PCDHA6: variants seen among roughly 807,000 people sequenced by gnomAD.
PCDHA6 encodes the protein protocadherin alpha 6.
A neutral mutation model predicts 60.3 loss-of-function variants in PCDHA6; 55 were observed. That is an observed-to-expected ratio of 0.91 (90% CI 0.73 to 1.14). PCDHA6 has a LOEUF of 1.14. PCDHA6 is among the 50% of genes most tolerant of loss of function. The probability of loss-of-function intolerance (pLI) is 0.00; values close to 1 mark genes in which losing one functional copy is unlikely to be tolerated. For synonymous variants in PCDHA6, 652 were observed against 557.9 expected, an observed-to-expected ratio of 1.17 and a Z score of -2.38; for missense variants, 1,327 against 1,256.5, an observed-to-expected ratio of 1.06 and a Z score of -0.85.
rs140380568 is a variant in PCDHA6, at chr5:140,850,532, G to T, written c.2394+20047G>T. On this transcript the variant is annotated intron_variant, in intron 1 of 3. Coordinates refer to ENST00000529310, the MANE Select transcript of PCDHA6 (RefSeq NM_018909.4). ...AGAGCGGCCAGGCGCCAAAGTCATC[G>T]TCGCGGGCGTCAGTGGGTGCCACGG... is the stretch of plus-strand genomic sequence containing the variant. 5.9e-5 allele frequency: 94 copies of T among 1,598,250 alleles called. 12 individuals carry two copies. Among genetic ancestry groups the T allele is most frequent in the Non-Finnish European group, 7.6e-5 (89 of 1,167,856 alleles).
chr5:140,927,917 TC>T (rs1554205257), intron 1 of PCDHA6: 2 of 1,614,182 alleles, frequency 1.2e-6, no homozygotes, highest in Non-Finnish European at 8.5e-7. Flanking sequence ...GAACTGGACT[TC>T]CTGACTCTTT....
Position 140,883,641 on chromosome 5 carries a change from C to T in PCDHA6, c.2394+53156C>T, listed in dbSNP as rs1427282306. On this transcript the variant is annotated intron_variant, in intron 1 of 3. Coordinates refer to ENST00000529310, the MANE Select transcript of PCDHA6 (RefSeq NM_018909.4). ...GACAACGCGCCGGCGTTCGCGCAGC[C>T]CGAGTACACGGTGTTCGTGAAGGAA... is the stretch of plus-strand genomic sequence containing the variant. 3.7e-6 allele frequency: 6 copies of T among 1,613,840 alleles called. No homozygotes were observed. In the Admixed American group the frequency reaches 6.7e-5, roughly 18 times the overall value.
chr5:140,841,798 T>C (rs1554138538), intron 1 of PCDHA6: 2 of 1,613,930 alleles, frequency 1.2e-6, no homozygotes, highest in East Asian at 2.2e-5. Flanking sequence ...GCGCGTCCGA[T>C]GCAGATGTTG....
chr5:140,953,293 G>A (rs1410676265), intron 1 of PCDHA6, among the ~76,000 whole-genome samples: 3 of 152,084 alleles, frequency 2.0e-5, no homozygotes, highest in Admixed American at 2.0e-4. Context: ...GTGATTCAGG[G>A]ACGGCAGAGA....
intron 1 of PCDHA6, chr5:140,836,302 C>T (rs2150257183): frequency 1.7e-5 from 28 of 1,613,614 alleles, no homozygotes; most frequent in Non-Finnish European, 2.3e-5. Context: ...CTAGATGAGA[C>T]GGACGCACCG....
chr5:140,870,286 A>C, intron 1 of PCDHA6: 1 of 1,614,124 alleles, frequency 6.2e-7, no homozygotes, highest in Non-Finnish European at 8.5e-7. Context: ...CGTTCCCTTC[A>C]AGCTGGTGTC....
chr5:140,829,019 T>G lies in PCDHA6; in HGVS notation c.928T>G (p.Phe310Val). Residue 310 changes from phenylalanine to valine, a missense_variant, in exon 1 of 4, where the codon TTT (phenylalanine) becomes GTT (valine). Transcript: ENST00000529310. ...AATAGTGATTCGGGGTAATTTGGAT[T>G]TTGAACAAGAAAACTTATACAAAAT... ...GEIVIRGNLDFEQENLYKILI... is the reference protein window; with the variant it reads ...GEIVIRGNLDVEQENLYKILI... 6.2e-7 allele frequency: 1 copy of G among 1,613,680 alleles called. No homozygotes were observed. The highest frequency in any genetic ancestry group is 1.1e-5 in the South Asian group (1 of 91,060).
intron 1 of PCDHA6, chr5:140,876,689 C>T: frequency 1.2e-6 from 2 of 1,614,228 alleles, no homozygotes; most frequent in Middle Eastern, 1.6e-4. Context: ...AATTACTACT[C>T]GTTGGTGCTG....
At chr5:140,904,729 TA>T (rs1313627737) in intron 1 of PCDHA6, among the ~76,000 whole-genome samples, 4 of 152,162 alleles carry the variant, frequency 2.6e-5, no homozygotes, top group East Asian at 1.9e-4. Context: ...CAACATCTAT[TA>T]TTTTTTTATT....
chr5:141,005,031 A>G (rs2098194150), intron 3 of PCDHA6, among the ~76,000 whole-genome samples: 1 of 152,212 alleles, frequency 6.6e-6, no homozygotes, highest in South Asian at 2.1e-4. Context: ...ATAATTGCCC[A>G]TATGTGATAC....
chr5:140,953,444 G>C (rs2094887278), intron 1 of PCDHA6, among the ~76,000 whole-genome samples: 1 of 152,088 alleles, frequency 6.6e-6, no homozygotes, highest in South Asian at 2.1e-4. Context: ...GGAGAAACTA[G>C]GGATTATCTG....
At chr5:140,870,992 T>G (rs782714479) in intron 1 of PCDHA6, 3 of 1,613,478 alleles carry the variant, frequency 1.9e-6, no homozygotes, top group Non-Finnish European at 2.5e-6. Flanking sequence ...ACGGGCGAGA[T>G]AAGCACAACG....
intron 1 of PCDHA6, chr5:140,834,353 G>A: frequency 6.5e-7 from 1 of 1,537,316 alleles, no homozygotes; most frequent in South Asian, 1.3e-5. Context: ...GGCAAGTTTT[G>A]CTGACTAGAA....
intron 1 of PCDHA6, chr5:140,927,409 A>C (rs1554204480): frequency 2.5e-6 from 4 of 1,614,002 alleles, no homozygotes; most frequent in Non-Finnish European, 3.4e-6. Flanking sequence ...TCGCCTGGAC[A>C]TGGGATCGCG....
At chr5:140,948,865 C>T (rs1358865868) in intron 1 of PCDHA6, among the ~76,000 whole-genome samples, 4 of 151,324 alleles carry the variant, frequency 2.6e-5, no homozygotes, top group African/African-American at 4.8e-5. Flanking sequence ...TATATTACTT[C>T]GGGTTTACTT....
At chr5:140,904,164 T>A (rs1475689291) in intron 1 of PCDHA6, among the ~76,000 whole-genome samples, 2 of 152,078 alleles carry the variant, frequency 1.3e-5, no homozygotes, top group South Asian at 4.1e-4. Flanking sequence ...CAGTTTGTAG[T>A]CTTTTATTCC....
At position 140,941,253 on chromosome 5, in the gene PCDHA6, TTC is replaced by T. The variant is rs371538795; in HGVS notation, c.2395-37692_2395-37691del. 4.9e-3 allele frequency among the ~76,000 whole-genome samples: 316 copies of T among 64,734 alleles called. 2 individuals carry two copies. The highest frequency in any genetic ancestry group is 6.9e-3 in the Admixed American group (39 of 5,692). 42.5% of individuals were successfully genotyped at this position (64,734 alleles called of 152,430 possible). On this transcript the variant is annotated intron_variant, in intron 1 of 3. Coordinates refer to ENST00000529310, the MANE Select transcript of PCDHA6 (RefSeq NM_018909.4). ...TTTCTTTCTTTCTTTCTTTCTTTCT[TTC>T]TCTTTCTTTCTTTCTTTCCTTCCTT...
rs1769680333 is a variant in PCDHA6, at chr5:140,828,295, C to T, written c.204C>T (p.Ser68=). The T allele has an allele frequency of 6.2e-7, 1 of 1,614,006 alleles. No individual in the cohort carries two copies. Among genetic ancestry groups the T allele is most frequent in the Non-Finnish European group, 8.5e-7 (1 of 1,180,046 alleles). ...ELVPRLFRMA[S]KDREDLLEVN... ...TGCCGCGCCTGTTCAGGATGGCCTC[C>T]AAAGACCGCGAGGACCTTCTGGAGG... Residue 68 remains serine, a synonymous_variant, in exon 1 of 4, where the codon TCC becomes TCT. Transcript: ENST00000529310.
chr5:140,883,827 T>G, intron 1 of PCDHA6: 1 of 1,612,546 alleles, frequency 6.2e-7, no homozygotes, highest in South Asian at 1.1e-5. Context: ...GTGTACGCGC[T>G]GCAGCCGTTG....
Sources: allele counts gnomAD v4.1 joint callset (sites outside exome capture counted in the v4.1 genomes callset), GRCh38; gene constraint gnomAD v4.1.1; transcripts MANE v1.5; gene names NCBI Gene and HGNC (gene_info 2026-07-23, HGNC 2026-07-21).